Variants in FLRT3 observed in about 807,000 individuals in gnomAD.
The protein encoded by FLRT3 is leucine-rich repeat transmembrane protein FLRT3.
FLRT3 carries 17 observed loss-of-function variants against 42.6 expected under a neutral mutation model. The observed-to-expected ratio is 0.40, with a 90% CI of 0.27 to 0.60. FLRT3 has a LOEUF of 0.60. Ranked by LOEUF, FLRT3 falls within the 20% of genes least tolerant of loss-of-function variation. The pLI is 0.44. For synonymous variants in FLRT3, 279 were observed against 286.4 expected (o/e 0.97, Z 0.26); for missense variants, 635 against 789.2 (o/e 0.80, Z 2.34).
Position 14,327,251 on chromosome 20 carries a change from CT to C in FLRT3, c.255del (p.Glu86LysfsTer10). 1 of 1,613,748 alleles carries C rather than the reference CT, an allele frequency of 6.2e-7. No homozygotes were observed. On this transcript the variant is annotated frameshift_variant, in exon 3 of 3. Transcript: ENST00000341420. LOFTEE classifies it high-confidence loss of function. ...IPSDLKNLLK[V>X]ERIYLYHNSL... Reference sequence around the variant, plus strand: ...CTGTTGTGGTATAGGTATATTCTTTCTACTTTCAGCAAGTTTTTCAAATCTG... The same window carrying C: ...CTGTTGTGGTATAGGTATATTCTTTCACTTTCAGCAAGTTTTTCAAATCTG...
intron 1 of FLRT3, among the ~76,000 whole-genome samples, chr20:14,331,355 A>G (rs1275596480): frequency 1.3e-5 from 2 of 152,054 alleles, no homozygotes; most frequent in African/African-American, 4.8e-5. Context: ...TAATTTGTTT[A>G]TTTTACCTGT....
intron 2 of FLRT3, chr20:14,328,803 G>C (rs1165048009): frequency 6.6e-6 from 1 of 152,060 alleles, no homozygotes; most frequent in Admixed American, 6.6e-5. Context: ...TCATTAAAGT[G>C]GGGGCAGAAA....
Position 14,327,060 on chromosome 20 carries a change from T to A in FLRT3, c.447A>T (p.Ala149=). The A allele has an allele frequency of 6.2e-7, 1 of 1,613,798 alleles. No individual in the cohort carries two copies. Among genetic ancestry groups the A allele is most frequent in the South Asian group, 1.1e-5 (1 of 91,074 alleles). The change falls in exon 3 of 3, where the codon GCA becomes GCT. Residue 149 remains alanine, a synonymous_variant. Coordinates refer to ENST00000341420, the MANE Select transcript of FLRT3 (RefSeq NM_198391.3). ...GTCGGAGATAGTTGCTGTCTCGGAA[T>A]GCTCCCTCTTCTATGCTAACTGCAG... ...SVSAVSIEEG[A]FRDSNYLRLL...
chr20:14,329,568 GA>G (rs1792253781), intron 1 of FLRT3, among the ~76,000 whole-genome samples: 1 of 151,956 alleles, frequency 6.6e-6, no homozygotes, highest in African/African-American at 2.4e-5. Context: ...GTGTCACTTT[GA>G]ATTAAACACC....
At chr20:14,327,955 C>T (rs2082765437) in intron 2 of FLRT3, among the ~76,000 whole-genome samples, 1 of 152,024 alleles carries the variant, frequency 6.6e-6, no homozygotes. Context: ...AATATTATTT[C>T]TTATATTTAA....
Position 14,327,032 on chromosome 20 carries a change from G to T in FLRT3, c.475C>A (p.Leu159Ile), listed in dbSNP as rs746867958. ...AFRDSNYLRL[L>I]FLSRNHLSTI... is the part of the protein sequence containing the mutation. ...CTAAGGTGATTACGGGACAGGAAAA[G>T]CAGTCGGAGATAGTTGCTGTCTCGG... The change falls in exon 3 of 3, where the codon CTT becomes ATT. Residue 159 changes from leucine (L) to isoleucine (I), a missense_variant. By Grantham distance (5) the Leu-to-Ile change is conservative. Coordinates refer to ENST00000341420, the MANE Select transcript of FLRT3 (RefSeq NM_198391.3). The T allele has an allele frequency of 1.2e-6, 2 of 1,613,768 alleles. No homozygotes were observed. Among genetic ancestry groups the T allele is most frequent in the Non-Finnish European group, 1.7e-6 (2 of 1,179,792 alleles).
chr20:14,327,148 G>A lies in FLRT3; in HGVS notation c.359C>T (p.Thr120Ile). 1.2e-6 allele frequency: 2 copies of A among 1,613,766 alleles called. No homozygotes were observed. Among genetic ancestry groups the A allele is most frequent in the African/African-American group, 1.3e-5 (1 of 75,006 alleles). ...GGGAATTTTTGAAAGTGAATCATAA[G>A]TGATAGTCCTTATGTTATTTTCTTG... is the stretch of plus-strand genomic sequence containing the variant. ...HLQENNIRTI[T>I]YDSLSKIPYL... The change falls in exon 3 of 3, where the codon ACT becomes ATT. Residue 120 changes from threonine (T) to isoleucine (I), a missense_variant. Transcript: ENST00000341420.
At chr20:14,336,321 G>A (rs1442450466) in intron 1 of FLRT3, among the ~76,000 whole-genome samples, 6 of 147,860 alleles carry the variant, frequency 4.1e-5, no homozygotes, top group Non-Finnish European at 6.0e-5. Context: ...ACTAAAAATT[G>A]AAAAAAAAAT....
chr20:14,333,839 A>G (rs936048437), intron 1 of FLRT3, among the ~76,000 whole-genome samples: 1 of 152,202 alleles, frequency 6.6e-6, no homozygotes, highest in Non-Finnish European at 1.5e-5. Flanking sequence ...AATCAACAAC[A>G]CATAAACTGA....
rs2082729222 is a variant in FLRT3, at chr20:14,326,099, C to T, written c.1408G>A (p.Glu470Lys). The T allele has an allele frequency of 6.2e-7, 1 of 1,613,856 alleles. No homozygotes were observed. Among genetic ancestry groups the T allele is most frequent in the Non-Finnish European group, 8.5e-7 (1 of 1,179,862 alleles). The change falls in exon 3 of 3, where the codon GAG (glutamate) becomes AAG (lysine). Residue 470 changes from glutamate to lysine, a missense_variant. By Grantham distance (56) the Glu-to-Lys change is moderately conservative. Transcript: ENST00000341420. The surrounding 1 kb of genome is among the most constrained non-coding windows in gnomAD (Gnocchi z 5.5). The stretch of plus-strand genomic sequence containing the variant: ...CATACTTTATAGGGTGAATCAGGCT[C>T]CAGGGCTGTGACCAAGTACTCACTG... Reference protein sequence around the residue: ...ERSEYLVTALEPDSPYKVCMV... With the variant: ...ERSEYLVTALKPDSPYKVCMV...
In FLRT3 at chr20:14,326,932, G is replaced by A; in HGVS notation, c.575C>T (p.Ser192Leu). 1 of 1,613,802 alleles carries A rather than the reference G, an allele frequency of 6.2e-7. No individual in the cohort carries two copies. The highest frequency in any genetic ancestry group is 8.5e-7 in the Non-Finnish European group (1 of 1,179,806). ...LDDNRISTIS[S>L]PSLQGLTSLK... ...ACTAGTGAGACCTTGAAGAGATGGT[G>A]ATGAAATAGTGGATATGCGATTATC... Residue 192 changes from serine (S) to leucine (L), a missense_variant, in exon 3 of 3, where the codon TCA becomes TTA. Transcript: ENST00000341420. This position sits in a 1 kb window ranked among gnomAD's most constrained non-coding sequence, Gnocchi z 5.5.
At chr20:14,336,334 A>AT (rs897913995) in intron 1 of FLRT3, among the ~76,000 whole-genome samples, 24 of 151,964 alleles carry the variant, frequency 1.6e-4, no homozygotes, top group African/African-American at 4.8e-4. Flanking sequence ...AAAAAAATCA[A>AT]TTTTTTTTCT....
In FLRT3 at chr20:14,325,455, C is replaced by T; in HGVS notation, c.*102G>A. 7.9e-6 allele frequency: 10 copies of T among 1,258,304 alleles called. No individual in the cohort carries two copies. The highest frequency in any genetic ancestry group is 6.0e-5 in the African/African-American group (4 of 66,546). The allele number at this position is 1,258,304 out of a possible 1,614,324, so 77.9% of individuals were successfully genotyped here. On this transcript the variant is annotated 3_prime_UTR_variant, in exon 3 of 3. Coordinates refer to ENST00000341420, the MANE Select transcript of FLRT3 (RefSeq NM_198391.3). ...AAATGTACAGTACATTGCTTTTTTT[C>T]AGTCTCTTTTTCCAGTGTTTTGCAG...
chr20:14,324,859 A>C lies in FLRT3; in HGVS notation c.*698T>G, dbSNP rs552981416. On this transcript the variant is annotated 3_prime_UTR_variant, in exon 3 of 3. Transcript: ENST00000341420. Reference sequence around the variant, plus strand: ...GTCCTTTATTTTCAAAGCTTTGCTGACAATGGCTTTAACAGACTTCATGCT... The same window carrying C: ...GTCCTTTATTTTCAAAGCTTTGCTGCCAATGGCTTTAACAGACTTCATGCT... 1 of 152,544 alleles carries C rather than the reference A, an allele frequency of 6.6e-6. No individual in the cohort carries two copies. The highest frequency in any genetic ancestry group is 2.4e-5 in the African/African-American group (1 of 41,584). 9.4% of individuals were successfully genotyped at this position (152,544 alleles called of 1,614,324 possible). A position where few individuals can be genotyped will look rare whatever the true frequency, so the allele number is the denominator to read the frequency against.
At chr20:14,336,366 TA>T (rs1449179176) in intron 1 of FLRT3, among the ~76,000 whole-genome samples, 1 of 151,944 alleles carries the variant, frequency 6.6e-6, no homozygotes, top group Non-Finnish European at 1.5e-5. Context: ...AATAAAATAA[TA>T]AAAACAAACC....
intron 1 of FLRT3, among the ~76,000 whole-genome samples, chr20:14,336,473 G>A (rs1288742102): frequency 6.6e-6 from 1 of 151,952 alleles, no homozygotes; most frequent in Non-Finnish European, 1.5e-5. Flanking sequence ...AAAATTTTTT[G>A]AGAAGATACA....
At chr20:14,334,274 G>A (rs1292503597) in intron 1 of FLRT3, among the ~76,000 whole-genome samples, 4 of 152,062 alleles carry the variant, frequency 2.6e-5, no homozygotes, top group South Asian at 2.1e-4. Flanking sequence ...GAGTGATGTC[G>A]ATCTGTATTT....
rs180957101 is a variant in FLRT3 at position 14,334,504 on chromosome 20, A to G, written c.-247+2900T>C. Among the ~76,000 whole-genome samples the G allele has an allele frequency of 7.4e-4, 112 of 152,204 alleles. 1 individual carries two copies. Among genetic ancestry groups the G allele is most frequent in the African/African-American group, 2.6e-3 (110 of 41,550 alleles). ...TATTGCTGAGAGATTTTTACTGTAG[A>G]GTTTTTGCCCACTGGGGGGTGGTAC... On this transcript the variant is annotated intron_variant, in intron 1 of 2. Coordinates refer to ENST00000341420, the MANE Select transcript of FLRT3 (RefSeq NM_198391.3).
rs2082791996 is a variant in FLRT3, at chr20:14,329,303, A to G, written c.-222T>C. 6.6e-6 allele frequency: 1 copy of G among 152,136 alleles called. No individual in the cohort carries two copies. The highest frequency in any genetic ancestry group is 1.5e-5 in the Non-Finnish European group (1 of 67,992). The allele number at this position is 152,136 out of a possible 1,614,324, so 9.4% of individuals were successfully genotyped here. A position where few individuals can be genotyped will look rare whatever the true frequency, so the allele number is the denominator to read the frequency against. ...AATTTCCTTTATATTTCTCTTCCTT[A>G]AAATATACTGGGACTGAGCATCTCC... On this transcript the variant is annotated 5_prime_UTR_variant, in exon 2 of 3. An upstream open reading frame in the 5' UTR loses its in-frame stop. Transcript: ENST00000341420.
Sources: allele counts gnomAD v4.1 joint callset (sites outside exome capture counted in the v4.1 genomes callset), GRCh38; gene constraint gnomAD v4.1.1; non-coding constraint Gnocchi (gnomAD v3.1); transcripts MANE v1.5; gene names NCBI Gene and HGNC (gene_info 2026-07-23, HGNC 2026-07-21).